PSG6: variants seen among roughly 807,000 people sequenced by gnomAD.
The protein encoded by PSG6 is pregnancy-specific beta-1-glycoprotein 6.
A neutral mutation model predicts 43.3 loss-of-function variants in PSG6; 51 were observed. The observed-to-expected ratio is 1.18, with a 90% CI of 0.94 to 1.49. PSG6 has a LOEUF of 1.49. Among genes scored for constraint, PSG6 ranks in the 40% most tolerant of loss-of-function variants. The pLI is 0.00. For missense variants in PSG6, 770 were observed against 522.2 expected, an observed-to-expected ratio of 1.47 and a Z score of -4.62; for synonymous variants, 292 against 197.6, an observed-to-expected ratio of 1.48 and a Z score of -4.01.
intron 5 of PSG6, 198 bp downstream of exon 5, chr19:42,906,724 G>A (rs1008222744): frequency 4.6e-6 from 7 of 1,517,408 alleles, no homozygotes; most frequent in African/African-American, 1.4e-5. Context: ...CCAGACACAA[G>A]GTCAGCCATG....
At chr19:42,915,050 GA>G (rs1252334527) in intron 2 of PSG6, among the ~76,000 whole-genome samples, 1 of 151,572 alleles carries the variant, frequency 6.6e-6, no homozygotes, top group African/African-American at 2.4e-5. Context: ...GAGAGGATTT[GA>G]GTCAATAAAT....
rs574943780 is a variant in PSG6, at chr19:42,905,190, T to C, written c.1240+1732A>G. 6.1e-4 allele frequency among the ~76,000 whole-genome samples: 92 copies of C among 151,756 alleles called. 3 individuals are homozygous for C. The highest frequency in any genetic ancestry group is 9.3e-4 in the Non-Finnish European group (63 of 67,894). ...CTATACAACTCTTAGAAGAAAAACT[T>C]CATGATAGTGGATTTCACAATGATT... On this transcript the variant is annotated intron_variant, in intron 5 of 5. Transcript: ENST00000187910.
At chr19:42,911,855 T>G (rs1407942271) in intron 2 of PSG6, among the ~76,000 whole-genome samples, 2 of 151,554 alleles carry the variant, frequency 1.3e-5, no homozygotes, top group Non-Finnish European at 2.9e-5. Flanking sequence ...TATCAGTGGA[T>G]TCCAGAGGGA....
At chr19:42,904,160 A>G (rs1345920925) in intron 5 of PSG6, among the ~76,000 whole-genome samples, 3 of 151,700 alleles carry the variant, frequency 2.0e-5, no homozygotes, top group African/African-American at 7.3e-5. Context: ...ACCTCAACAT[A>G]AAGGCAATAT....
intron 3 of PSG6, among the ~76,000 whole-genome samples, chr19:42,909,301 G>A (rs1389131070): frequency 6.6e-6 from 1 of 151,486 alleles, no homozygotes; most frequent in Non-Finnish European, 1.5e-5. Context: ...AAGGCTTTGG[G>A]ATGTGAGAAA....
At chr19:42,902,555 C>T in intron 5 of PSG6, 109 bp from the exon 6 acceptor site, 2 of 1,458,510 alleles carry the variant, frequency 1.4e-6, no homozygotes, top group Non-Finnish European at 1.9e-6. Flanking sequence ...AAGTCTAGTT[C>T]TCCGAGGCTC....
intron 2 of PSG6, 165 bp downstream of exon 2, chr19:42,915,960 G>C: frequency 5.1e-6 from 6 of 1,166,716 alleles, no homozygotes; most frequent in South Asian, 1.6e-5. Flanking sequence ...CTGATCTGTT[G>C]AAATGTGTCT....
Position 42,907,715 on chromosome 19 carries a change from A to G in PSG6, c.846T>C (p.Ser282=). 1.9e-6 allele frequency: 3 copies of G among 1,610,778 alleles called. No individual in the cohort carries two copies. The highest frequency in any genetic ancestry group is 2.5e-6 in the Non-Finnish European group (3 of 1,179,102). Residue 282 remains serine (S), a synonymous_variant, in exon 4 of 6, where the codon AGT becomes AGC. Transcript: ENST00000187910. ...WWLNGQSLPV[S]PRVKRPIENR... is the part of the protein sequence containing the mutation. ...TTTCAATGGGTCGCTTTACCCTCGG[A>G]CTGACCGGGAGGCTCTGACCATTTA...
At position 42,910,330 on chromosome 19, in the gene PSG6, A is replaced by T. The variant is rs1972194316; in HGVS notation, c.706+250T>A. 2.4e-5 allele frequency: 24 copies of T among 982,088 alleles called. 2 individuals carry two copies. In the South Asian group the frequency reaches 3.4e-4, roughly 14 times the overall value. The allele number at this position is 982,088 out of a possible 1,614,324, so 60.8% of individuals were successfully genotyped here. On this transcript the variant is annotated intron_variant, in intron 3 of 5. Transcript: ENST00000187910. The stretch of plus-strand genomic sequence containing the variant: ...TGTGTTCACTGATCTGGAGCCTGAG[A>T]CATTCACCTGTTTCTTCCATCACAA...
chr19:42,907,002 T>C lies in PSG6; in HGVS notation c.1160A>G (p.His387Arg), dbSNP rs144151606. The part of the protein sequence containing the change: ...KLFIPQITTN[H>R]SGLYACSVRN... Reference sequence around the variant, plus strand: ...AACAGAGCAAGCATAGAGCCCGCTATGATTTGTAGTAATTTGGGGGATAAA... The same window carrying C: ...AACAGAGCAAGCATAGAGCCCGCTACGATTTGTAGTAATTTGGGGGATAAA... Residue 387 changes from histidine to arginine, a missense_variant, in exon 5 of 6, where the codon CAT becomes CGT. Coordinates refer to ENST00000187910, the MANE Select transcript of PSG6 (RefSeq NM_001031850.4). 5 of 1,612,342 alleles carry C rather than the reference T, an allele frequency of 3.1e-6. No homozygotes were observed. In the African/African-American group the frequency reaches 6.7e-5, roughly 22 times the overall value.
At chr19:42,904,515 A>G (rs1318156955) in intron 5 of PSG6, among the ~76,000 whole-genome samples, 1 of 151,744 alleles carries the variant, frequency 6.6e-6, no homozygotes, top group Non-Finnish European at 1.5e-5. Context: ...CTGAAGGGAA[A>G]TTAAGAAAAA....
intron 5 of PSG6, among the ~76,000 whole-genome samples, chr19:42,906,123 C>G (rs1455025892): frequency 1.3e-5 from 2 of 151,528 alleles, no homozygotes; most frequent in Non-Finnish European, 2.9e-5. Context: ...CCTTTCCTGC[C>G]ATGCAGAGCC....
chr19:42,906,914 C>G lies in PSG6; in HGVS notation c.1240+8G>C, dbSNP rs1204547759. On this transcript the variant is annotated splice_region_variant and intron_variant, in intron 5 of 5. Transcript: ENST00000187910. ...ACCCTATTGCCAAGGATGCTGGGATCCACTTACCAGAGACTTTGACTATCA... is the reference window on the plus strand; with the variant it reads ...ACCCTATTGCCAAGGATGCTGGGATGCACTTACCAGAGACTTTGACTATCA... The G allele has an allele frequency of 2.5e-6, 4 of 1,612,144 alleles. No individual in the cohort carries two copies. In the African/African-American group the frequency reaches 4.0e-5, roughly 16 times the overall value.
intron 5 of PSG6, among the ~76,000 whole-genome samples, chr19:42,904,136 A>G (rs1972077476): frequency 6.6e-6 from 1 of 151,648 alleles, no homozygotes; most frequent in African/African-American, 2.4e-5. Context: ...ACATTCTAAG[A>G]ATGGAAGGCA....
chr19:42,916,556 G>T lies in PSG6; in HGVS notation c.65-69C>A, dbSNP rs894942148. On this transcript the variant is annotated intron_variant, in intron 1 of 5. Transcript: ENST00000187910. ...TTGGGGTGAAAAGATGGGGCCCTGT[G>T]TCCTGAGAAGGTCTCTTCAATCATC... 4.0e-5 allele frequency: 61 copies of T among 1,537,450 alleles called. 1 individual carries two copies.
At chr19:42,910,351 C>G (rs1972194740) in intron 3 of PSG6, 1 of 1,138,052 alleles carries the variant, frequency 8.8e-7, no homozygotes, top group African/African-American at 1.6e-5. Context: ...TTTCTTCCAT[C>G]ACAAGCTGTG....
At position 42,910,651 on chromosome 19, in the gene PSG6, C is replaced by A. The variant is rs1972202959; in HGVS notation, c.635G>T (p.Gly212Val). 1.2e-6 allele frequency: 2 copies of A among 1,612,360 alleles called. No homozygotes were observed. The highest frequency in any genetic ancestry group is 1.7e-6 in the Non-Finnish European group (2 of 1,179,262). Residue 212 changes from glycine to valine, a missense_variant, in exon 3 of 6, where the codon GGA (glycine) becomes GTA (valine). By Grantham distance (109) the Gly-to-Val change is moderately radical. Transcript: ENST00000187910. ...YLFGVTKYIAGPYECEIRNPV... is the reference protein window; with the variant it reads ...YLFGVTKYIAVPYECEIRNPV... Reference sequence around the variant, plus strand: ...GTTCCGTATTTCACATTCATAGGGTCCTGCAATATACTTTGTGACACCAAA... The same window carrying A: ...GTTCCGTATTTCACATTCATAGGGTACTGCAATATACTTTGTGACACCAAA...
chr19:42,915,493 T>A (rs1465281304), intron 2 of PSG6: 1 of 154,166 alleles, frequency 6.5e-6, no homozygotes, highest in Non-Finnish European at 1.4e-5. Context: ...AGTTGGCTGA[T>A]GGCCTACAAA....
chr19:42,915,202 T>C (rs1270555449), intron 2 of PSG6: 2 of 151,380 alleles, frequency 1.3e-5, no homozygotes, highest in African/African-American at 4.9e-5. Context: ...TGCCTTCCTG[T>C]GCCTCAGTTT....
Sources: gnomAD v4.1 joint callset for allele counts (sites outside exome capture counted in the v4.1 genomes callset) on GRCh38, gnomAD v4.1.1 for gene constraint, MANE v1.5 for transcripts, NCBI Gene and HGNC (gene_info 2026-07-23, HGNC 2026-07-21) for gene names.